The following WDFY1 variants were observed in gnomAD, a reference collection of about 807,000 sequenced individuals.
WDFY1 encodes WD repeat and FYVE domain containing 1, also known as WD repeat and FYVE domain-containing protein 1.
Under a neutral mutation model 56.4 loss-of-function variants are expected in WDFY1, and 32 were observed. The ratio of observed to expected loss-of-function variants is 0.57; its 90% CI spans 0.43 to 0.76. The LOEUF is 0.76. WDFY1 is among the 30% of genes least tolerant of loss of function. The pLI, the probability that WDFY1 is intolerant of heterozygous loss-of-function variation, is 0.00. For synonymous variants in WDFY1, 192 were observed against 197.3 expected (o/e 0.97, Z 0.23); for missense variants, 480 against 545.7 (o/e 0.88, Z 1.20).
At chr2:223,885,193 G>T (rs666654) in intron 8 of WDFY1, among the ~76,000 whole-genome samples, 89,098 of 149,514 alleles carry the variant, frequency 0.6, 26,840 homozygotes, top group African/African-American at 0.73. Context: ...ATTGTGTGTG[G>T]GGGGGGGTCT....
At chr2:223,939,313 A>C (rs1689258466) in intron 1 of WDFY1, among the ~76,000 whole-genome samples, 1 of 152,188 alleles carries the variant, frequency 6.6e-6, no homozygotes. Context: ...AGATAAGTAC[A>C]TGAAGCCCGG....
In WDFY1 at chr2:223,905,975, A is replaced by G. The variant is rs1381695119; in HGVS notation, c.306T>C (p.Asn102=). Residue 102 remains asparagine (N), a synonymous_variant, in exon 4 of 12, where the codon AAT becomes AAC. Coordinates refer to ENST00000233055, the MANE Select transcript of WDFY1 (RefSeq NM_020830.5). ...GGTAGGTCTTGATAAAGTTCATTTT[A>G]TTAAAATCTTCAGAAACGTGAAATT... The part of the protein sequence containing the change: ...VMEFHVSEDF[N]KMNFIKTYPA... The G allele has an allele frequency of 2.5e-6, 4 of 1,582,140 alleles. No homozygotes were observed. The highest frequency in any genetic ancestry group is 3.4e-6 in the Non-Finnish European group (4 of 1,166,586).
chr2:223,927,318 A>G (rs1410626245), intron 1 of WDFY1, among the ~76,000 whole-genome samples: 2 of 152,212 alleles, frequency 1.3e-5, no homozygotes, highest in Non-Finnish European at 2.9e-5. Context: ...TGCATTGAAA[A>G]TCTATTGTTT....
At chr2:223,927,385 C>T (rs931476469) in intron 1 of WDFY1, among the ~76,000 whole-genome samples, 1 of 152,240 alleles carries the variant, frequency 6.6e-6, no homozygotes, top group Admixed American at 6.5e-5. Flanking sequence ...CTTGCTGCAG[C>T]TTCTACATTA....
At chr2:223,917,525 G>C (rs1450156981) in intron 2 of WDFY1, among the ~76,000 whole-genome samples, 1 of 152,110 alleles carries the variant, frequency 6.6e-6, no homozygotes, top group Non-Finnish European at 1.5e-5. Flanking sequence ...AGGCAACTAA[G>C]AAACTCATTT....
At chr2:223,931,996 A>G (rs76368757) in intron 1 of WDFY1, among the ~76,000 whole-genome samples, 1 of 148,970 alleles carries the variant, frequency 6.7e-6, no homozygotes, top group South Asian at 2.1e-4. Context: ...TAATTGGTCT[A>G]ATTTTTTTTT....
rs1287798122 is a variant in WDFY1 at position 223,895,645 on chromosome 2, G to C, written c.599-15C>G. On this transcript the variant is annotated splice_polypyrimidine_tract_variant and intron_variant, in intron 6 of 11. Transcript: ENST00000233055. ...GGCGACACTACCTAGGGATTTGTGA[G>C]AGAGAGAGAGAGAGGGAGGCAGGGG... is the stretch of plus-strand genomic sequence containing the variant. The C allele has an allele frequency of 3.2e-6, 5 of 1,561,342 alleles. No individual in the cohort carries two copies. The highest frequency in any genetic ancestry group is 1.4e-5 in the African/African-American group (1 of 73,512).
intron 1 of WDFY1, among the ~76,000 whole-genome samples, chr2:223,942,045 A>G (rs1689313533): frequency 6.6e-6 from 1 of 152,146 alleles, no homozygotes; most frequent in African/African-American, 2.4e-5. Flanking sequence ...GTGGTGCACG[A>G]GTGAAAAAGT....
chr2:223,914,099 C>T (rs913700155), intron 2 of WDFY1, among the ~76,000 whole-genome samples: 5 of 137,104 alleles, frequency 3.6e-5, no homozygotes, highest in Admixed American at 1.7e-4. Context: ...TGGGTTCAAG[C>T]GATTCTCCTG....
intron 1 of WDFY1, 76 bp downstream of exon 1, chr2:223,945,072 C>T (rs1371611823): frequency 1.4e-6 from 2 of 1,464,828 alleles, no homozygotes; most frequent in Admixed American, 4.5e-5. Flanking sequence ...CAGGAAGGAC[C>T]GGGGCCGCGG....
chr2:223,884,174 T>C (rs949123947), intron 9 of WDFY1, among the ~76,000 whole-genome samples: 17 of 152,100 alleles, frequency 1.1e-4, no homozygotes, highest in Non-Finnish European at 8.8e-5. Flanking sequence ...ACATGCTTAA[T>C]AAAAATATTC....
intron 8 of WDFY1, among the ~76,000 whole-genome samples, chr2:223,886,095 G>A (rs2106072585): frequency 6.6e-6 from 1 of 152,242 alleles, no homozygotes. Context: ...TGTCATCTCA[G>A]CACTTTGGGA....
chr2:223,942,153 C>T (rs1485567014), intron 1 of WDFY1, among the ~76,000 whole-genome samples: 1 of 152,130 alleles, frequency 6.6e-6, no homozygotes, highest in African/African-American at 2.4e-5. Flanking sequence ...CCAGCAATCT[C>T]AAATATTTAG....
Position 223,894,280 on chromosome 2 carries a change from G to A in WDFY1, c.785C>T (p.Ser262Leu), listed in dbSNP as rs768222831. The A allele has an allele frequency of 9.1e-5, 147 of 1,614,028 alleles. No homozygotes were observed. The highest frequency in any genetic ancestry group is 1.8e-4 in the Admixed American group (11 of 60,000). ...QLTRQLVSCSSDGGIAVWNMD... is the reference protein window; with the variant it reads ...QLTRQLVSCSLDGGIAVWNMD... ...GTTCCACACTGCAATTCCGCCGTCCGAGGAACAGGAGACGAGCTGCCTGGT... is the reference window on the plus strand; with the variant it reads ...GTTCCACACTGCAATTCCGCCGTCCAAGGAACAGGAGACGAGCTGCCTGGT... Residue 262 changes from serine (S) to leucine (L), a missense_variant, in exon 8 of 12, where the codon TCG (serine) becomes TTG (leucine). Ser to Leu is a moderately radical substitution (Grantham distance 145). Coordinates refer to ENST00000233055, the MANE Select transcript of WDFY1 (RefSeq NM_020830.5).
intron 1 of WDFY1, among the ~76,000 whole-genome samples, chr2:223,943,805 T>C (rs530397914): frequency 6.6e-6 from 1 of 152,326 alleles, no homozygotes; most frequent in South Asian, 2.1e-4. Context: ...GGATTGCATT[T>C]CCGGCTTCAC....
chr2:223,919,866 C>G (rs550919723), intron 1 of WDFY1, among the ~76,000 whole-genome samples: 8 of 152,250 alleles, frequency 5.3e-5, no homozygotes, highest in Non-Finnish European at 1.0e-4. Context: ...CCTCCCTGAC[C>G]CTTGAGACCA....
chr2:223,895,435 C>T (rs1693348126), intron 7 of WDFY1, 69 bp downstream of exon 7: 1 of 1,609,796 alleles, frequency 6.2e-7, no homozygotes, highest in African/African-American at 1.3e-5. Flanking sequence ...TGGTATCAGA[C>T]TATTAATGCC....
intron 2 of WDFY1, among the ~76,000 whole-genome samples, chr2:223,915,382 G>A (rs904486962): frequency 6.6e-6 from 1 of 152,136 alleles, no homozygotes. Flanking sequence ...CCACTTGCCC[G>A]AGATCTAACA....
At chr2:223,932,191 CG>C (rs1305820920) in intron 1 of WDFY1, among the ~76,000 whole-genome samples, 2 of 137,782 alleles carry the variant, frequency 1.5e-5, no homozygotes, top group Non-Finnish European at 3.0e-5. Context: ...GGTGCAATCT[CG>C]GCTCACTGCA....
Sources: allele counts gnomAD v4.1 joint callset (sites outside exome capture counted in the v4.1 genomes callset), GRCh38; gene constraint gnomAD v4.1.1; transcripts MANE v1.5; gene names NCBI Gene and HGNC (gene_info 2026-07-23, HGNC 2026-07-21).